RALYL: variants seen among roughly 807,000 people sequenced by gnomAD.
RALYL encodes the protein RNA-binding Raly-like protein.
RALYL carries 29 observed loss-of-function variants against 35.1 expected under a neutral mutation model. That is an observed-to-expected ratio of 0.83 (90% confidence interval 0.61 to 1.13). The LOEUF (loss-of-function observed/expected upper bound fraction) is 1.13, where lower values mean the gene tolerates loss of function less well. Among genes scored for constraint, RALYL ranks in the 50% most tolerant of loss-of-function variants. The pLI is 0.00. For missense variants in RALYL, 359 were observed against 360.4 expected, an observed-to-expected ratio of 1.00 and a Z score of 0.03; for synonymous variants, 120 against 127.6, an observed-to-expected ratio of 0.94 and a Z score of 0.40.
At chr8:84,785,020 T>C (rs934301056) in intron 3 of RALYL, among the ~76,000 whole-genome samples, 2 of 152,216 alleles carry the variant, frequency 1.3e-5, no homozygotes, top group Non-Finnish European at 2.9e-5. Flanking sequence ...CTTATGTTTA[T>C]TGTATGAAGG....
At chr8:84,805,489 G>T (rs1408338365) in intron 4 of RALYL, among the ~76,000 whole-genome samples, 2 of 152,152 alleles carry the variant, frequency 1.3e-5, no homozygotes, top group African/African-American at 2.4e-5. Flanking sequence ...CTCAAGACCG[G>T]CCTGGCCAAC....
chr8:84,552,948 G>C (rs937918374), intron 2 of RALYL, among the ~76,000 whole-genome samples: 1 of 152,036 alleles, frequency 6.6e-6, no homozygotes, highest in Non-Finnish European at 1.5e-5. Flanking sequence ...TGAGGTAGGG[G>C]TTGAATGGGC....
chr8:84,317,064 G>A lies in RALYL; in HGVS notation c.-24+132640G>A, dbSNP rs1463383909. 2.6e-5 allele frequency among the ~76,000 whole-genome samples: 4 copies of A among 151,292 alleles called. No individual in the cohort carries two copies. In the East Asian group the frequency reaches 7.7e-4, roughly 29 times the overall value. On this transcript the variant is annotated intron_variant, in intron 1 of 8. Coordinates refer to ENST00000521268, the MANE Select transcript of RALYL (RefSeq NM_173848.7). ...ATACCCACTTCTTACTCAACATAAT[G>A]ATCCCATGTTTAAAAGGAATATAGT...
intron 2 of RALYL, among the ~76,000 whole-genome samples, chr8:84,635,516 A>G (rs1343832273): frequency 6.6e-6 from 1 of 151,740 alleles, no homozygotes; most frequent in Non-Finnish European, 1.5e-5. Context: ...CAGCTTTCTT[A>G]CTGTAGCAAC....
At chr8:84,269,562 T>A (rs1420898901) in intron 1 of RALYL, among the ~76,000 whole-genome samples, 3 of 152,208 alleles carry the variant, frequency 2.0e-5, no homozygotes, top group Non-Finnish European at 2.9e-5. Flanking sequence ...CCACATGCTG[T>A]CAATGACAGG....
chr8:84,913,467 A>G (rs1318823643), intron 8 of RALYL, among the ~76,000 whole-genome samples: 4 of 152,088 alleles, frequency 2.6e-5, no homozygotes, highest in Admixed American at 1.3e-4. Flanking sequence ...ATCTTGATCT[A>G]TACCAGGATA....
intron 1 of RALYL, among the ~76,000 whole-genome samples, chr8:84,259,707 T>A (rs1309607433): frequency 6.6e-6 from 1 of 152,204 alleles, no homozygotes; most frequent in African/African-American, 2.4e-5. Context: ...CTGTTTATCT[T>A]TTTATCCCAC....
intron 2 of RALYL, among the ~76,000 whole-genome samples, chr8:84,760,664 T>C (rs1812467508): frequency 6.6e-6 from 1 of 152,070 alleles, no homozygotes; most frequent in Non-Finnish European, 1.5e-5. Context: ...TTAAGCAAAA[T>C]TCAGATTTTT....
At chr8:84,670,901 T>C (rs1169974878) in intron 2 of RALYL, among the ~76,000 whole-genome samples, 1 of 152,178 alleles carries the variant, frequency 6.6e-6, no homozygotes, top group Non-Finnish European at 1.5e-5. Flanking sequence ...TTCCCAACAG[T>C]CACCCGAAGT....
chr8:84,523,725 C>T (rs1277536231), intron 1 of RALYL, among the ~76,000 whole-genome samples: 1 of 139,420 alleles, frequency 7.2e-6, no homozygotes, highest in Non-Finnish European at 1.5e-5. Flanking sequence ...TCCATGTGAT[C>T]TCATTGTTCA....
At chr8:84,640,945 A>G (rs1245327190) in intron 2 of RALYL, among the ~76,000 whole-genome samples, 1 of 151,902 alleles carries the variant, frequency 6.6e-6, no homozygotes, top group African/African-American at 2.4e-5. Context: ...AATTATATAC[A>G]AAACTTCTTT....
At chr8:84,348,552 G>A (rs372862118) in intron 1 of RALYL, among the ~76,000 whole-genome samples, 6 of 152,060 alleles carry the variant, frequency 3.9e-5, no homozygotes, top group African/African-American at 1.2e-4. Flanking sequence ...TCTGTATAAA[G>A]GGTCTGATCA....
chr8:84,664,262 G>GTTTTTT (rs750256632), intron 2 of RALYL, among the ~76,000 whole-genome samples: 1 of 43,066 alleles, frequency 2.3e-5, no homozygotes, highest in Non-Finnish European at 4.3e-5. Context: ...GATGCCTCTA[G>GTTTTTT]ATTTTTTTTT....
In RALYL at chr8:84,760,232, AT is replaced by A. The variant is rs890402061; in HGVS notation, c.257-14339del. On this transcript the variant is annotated intron_variant, in intron 2 of 8. Coordinates refer to ENST00000521268, the MANE Select transcript of RALYL (RefSeq NM_173848.7). ...AATTCAACATTGAAGATAAAATTAG[AT>A]TTTTTTTCCATGTTGATATGAATAC... 4.6e-5 allele frequency among the ~76,000 whole-genome samples: 7 copies of A among 152,088 alleles called. No homozygotes were observed. In the East Asian group the frequency reaches 1.2e-3, roughly 25 times the overall value.
At chr8:84,245,262 A>G (rs1297339257) in intron 1 of RALYL, among the ~76,000 whole-genome samples, 1 of 152,162 alleles carries the variant, frequency 6.6e-6, no homozygotes, top group Non-Finnish European at 1.5e-5. Context: ...ATCTGGAACA[A>G]TTGTCTCTGC....
At chr8:84,291,187 G>T (rs1838713278) in intron 1 of RALYL, among the ~76,000 whole-genome samples, 1 of 152,176 alleles carries the variant, frequency 6.6e-6, no homozygotes, top group African/African-American at 2.4e-5. Flanking sequence ...AGGACGGTGA[G>T]ACTAAAGTTT....
intron 2 of RALYL, among the ~76,000 whole-genome samples, chr8:84,662,107 C>T (rs1055084667): frequency 6.6e-6 from 1 of 152,094 alleles, no homozygotes; most frequent in African/African-American, 2.4e-5. Flanking sequence ...TTTTCTAGCT[C>T]CCTTAATATT....
At chr8:84,400,724 C>T (rs919342921) in intron 1 of RALYL, among the ~76,000 whole-genome samples, 15 of 151,964 alleles carry the variant, frequency 9.9e-5, no homozygotes, top group East Asian at 9.7e-4. Context: ...AATTTAAGGG[C>T]GAAAGAGATG....
At chr8:84,906,341 C>T (rs1448321497) in intron 8 of RALYL, among the ~76,000 whole-genome samples, 1 of 151,866 alleles carries the variant, frequency 6.6e-6, no homozygotes, top group African/African-American at 2.4e-5. Context: ...ACTCTAAAAA[C>T]AGAATAAAAA....
Sources: gnomAD v4.1 joint callset for allele counts (sites outside exome capture counted in the v4.1 genomes callset) on GRCh38, gnomAD v4.1.1 for gene constraint, MANE v1.5 for transcripts, NCBI Gene and HGNC (gene_info 2026-07-23, HGNC 2026-07-21) for gene names.